The following TRPM3 variants were observed in gnomAD, a reference collection of about 807,000 sequenced individuals.
The protein encoded by TRPM3 is long transient receptor potential channel 3.
In TRPM3, 77 loss-of-function variants were observed where a neutral mutation model predicts 181.2. The observed-to-expected ratio is 0.42, with a 90% CI of 0.35 to 0.51. TRPM3 has a LOEUF of 0.51. Ranked by LOEUF, TRPM3 falls within the 20% of genes least tolerant of loss-of-function variation. The probability of loss-of-function intolerance (pLI) is 0.01; values close to 1 mark genes in which losing one functional copy is unlikely to be tolerated. For missense variants in TRPM3, 1,759 were observed against 2,196.7 expected (o/e 0.80, Z 3.98); for synonymous variants, 745 against 796.4 (o/e 0.94, Z 1.09).
chr9:70,643,846 C>T (rs1434666281), intron 9 of TRPM3, among the ~76,000 whole-genome samples: 2 of 152,198 alleles, frequency 1.3e-5, no homozygotes, highest in African/African-American at 2.4e-5. Context: ...AAATTAAGAA[C>T]TTCTAGTGTA....
At chr9:71,111,818 T>C (rs1333614108) in intron 1 of TRPM3, among the ~76,000 whole-genome samples, 2 of 152,188 alleles carry the variant, frequency 1.3e-5, no homozygotes, top group East Asian at 1.9e-4. Context: ...TGCCAGCAAA[T>C]AGTTATTTGC....
intron 1 of TRPM3, among the ~76,000 whole-genome samples, chr9:71,418,004 A>G (rs1337911474): frequency 6.6e-6 from 1 of 151,742 alleles, no homozygotes; most frequent in Admixed American, 6.6e-5. Context: ...CATGAAAAAT[A>G]TAAAAAGGGA....
chr9:71,303,036 C>T (rs993497608), intron 1 of TRPM3, among the ~76,000 whole-genome samples: 1 of 152,096 alleles, frequency 6.6e-6, no homozygotes, highest in Non-Finnish European at 1.5e-5. Context: ...TGGGCGCTCA[C>T]CAATGCTCAG....
intron 1 of TRPM3, among the ~76,000 whole-genome samples, chr9:71,177,941 A>T (rs1311605245): frequency 1.3e-5 from 2 of 151,910 alleles, no homozygotes; most frequent in African/African-American, 4.8e-5. Context: ...CCAAAAAAAA[A>T]AAAAAAAGCT....
chr9:71,105,926 C>T (rs932171632), intron 1 of TRPM3, among the ~76,000 whole-genome samples: 5 of 152,004 alleles, frequency 3.3e-5, no homozygotes, highest in African/African-American at 4.8e-5. Context: ...CCAATTAATA[C>T]GTCTTGATAT....
chr9:71,283,373 T>C (rs1183196892), intron 1 of TRPM3, among the ~76,000 whole-genome samples: 11 of 152,194 alleles, frequency 7.2e-5, no homozygotes, highest in Admixed American at 7.2e-4. Flanking sequence ...CTTGGCTCAC[T>C]GCAAGCTGTG....
intron 1 of TRPM3, among the ~76,000 whole-genome samples, chr9:71,061,376 A>C (rs1338855931): frequency 6.6e-6 from 1 of 152,110 alleles, no homozygotes; most frequent in Non-Finnish European, 1.5e-5. Flanking sequence ...TGTGGTGTGG[A>C]ATCAACAGAG....
intron 3 of TRPM3, among the ~76,000 whole-genome samples, chr9:70,861,399 A>G (rs1391753810): frequency 2.6e-5 from 4 of 152,114 alleles, no homozygotes; most frequent in Non-Finnish European, 4.4e-5. Flanking sequence ...ATCTGACACT[A>G]ACTCTTAACA....
At chr9:71,025,501 T>G (rs1331727345) in intron 1 of TRPM3, among the ~76,000 whole-genome samples, 2 of 152,230 alleles carry the variant, frequency 1.3e-5, no homozygotes, top group African/African-American at 4.8e-5. Flanking sequence ...CAGAATGAAC[T>G]ATAATATGAT....
At chr9:71,420,713 A>AGAG (rs1565556846) in intron 1 of TRPM3, among the ~76,000 whole-genome samples, 9 of 20,612 alleles carry the variant, frequency 4.4e-4, no homozygotes, top group Admixed American at 1.1e-3. Flanking sequence ...GAGAGAAAGA[A>AGAG]AGAGAGAAAG....
At chr9:71,420,590 AAGAG>A (rs1378457527) in intron 1 of TRPM3, among the ~76,000 whole-genome samples, 6 of 149,330 alleles carry the variant, frequency 4.0e-5, no homozygotes, top group African/African-American at 1.5e-4. Flanking sequence ...GAGAAAGAAA[AAGAG>A]AAAGAGAAGA....
At chr9:70,564,825 A>T (rs925071467) in intron 22 of TRPM3, among the ~76,000 whole-genome samples, 9 of 152,198 alleles carry the variant, frequency 5.9e-5, no homozygotes, top group Admixed American at 5.2e-4. Context: ...GGCTCCTAAT[A>T]TTCAGGAATG....
chr9:70,960,793 C>T (rs1031312957), intron 1 of TRPM3, among the ~76,000 whole-genome samples: 1 of 152,172 alleles, frequency 6.6e-6, no homozygotes, highest in African/African-American at 2.4e-5. Context: ...CTCTCCACAT[C>T]AGTCTCCTCA....
chr9:71,299,815 A>G (rs2086616394), intron 1 of TRPM3, among the ~76,000 whole-genome samples: 1 of 152,118 alleles, frequency 6.6e-6, no homozygotes, highest in Non-Finnish European at 1.5e-5. Context: ...TGTGGGAAAA[A>G]TGACTATTAA....
At chr9:70,551,275 G>T (rs572097310) in intron 24 of TRPM3, among the ~76,000 whole-genome samples, 3 of 152,210 alleles carry the variant, frequency 2.0e-5, no homozygotes, top group African/African-American at 7.2e-5. Context: ...CAGTTTCCCC[G>T]ACTGATTCAT....
chr9:70,851,564 G>A (rs1378194895), intron 3 of TRPM3, among the ~76,000 whole-genome samples: 3 of 152,178 alleles, frequency 2.0e-5, no homozygotes, highest in Admixed American at 6.5e-5. Flanking sequence ...CAGCTCACTG[G>A]AAAAGACCAA....
intron 1 of TRPM3, among the ~76,000 whole-genome samples, chr9:70,972,248 T>C (rs1393773257): frequency 6.6e-6 from 1 of 152,232 alleles, no homozygotes; most frequent in African/African-American, 2.4e-5. Flanking sequence ...GGAATACAAT[T>C]GTGATTCATC....
rs548083888 is a variant in TRPM3, at chr9:71,004,469, T to C, written c.177+116709A>G. Among the ~76,000 whole-genome samples the C allele has an allele frequency of 9.2e-5, 14 of 152,266 alleles. No individual in the cohort carries two copies. The South Asian group carries it at 2.9e-3, about 32-fold the overall frequency. On this transcript the variant is annotated intron_variant, in intron 1 of 25. Transcript: ENST00000677713. ...ATGGCGGTTAAGCTCCAGTGTTAAG[T>C]AGTAAAAGCCTAACACCACCAAAAA...
chr9:70,669,585 T>G (rs576493497), intron 9 of TRPM3, among the ~76,000 whole-genome samples: 1 of 152,200 alleles, frequency 6.6e-6, no homozygotes, highest in African/African-American at 2.4e-5. Flanking sequence ...GAGGACTAAC[T>G]TTGCAAAAAT....
Sources: allele counts gnomAD v4.1 joint callset (sites outside exome capture counted in the v4.1 genomes callset), GRCh38; gene constraint gnomAD v4.1.1; transcripts MANE v1.5; gene names NCBI Gene and HGNC (gene_info 2026-07-23, HGNC 2026-07-21).